The following SEMA3E variants were observed in gnomAD, a reference collection of about 807,000 sequenced individuals.
SEMA3E encodes the protein semaphorin-3E.
A neutral mutation model predicts 93.6 loss-of-function variants in SEMA3E; 49 were observed. That is an observed-to-expected ratio of 0.52 (90% CI 0.42 to 0.66). The LOEUF is 0.66. Ranked by LOEUF, SEMA3E falls within the 30% of genes least tolerant of loss-of-function variation. The pLI is 0.00. For missense variants in SEMA3E, 906 were observed against 964.8 expected (o/e 0.94, Z 0.81); for synonymous variants, 363 against 330.7 (o/e 1.10, Z -1.06).
At chr7:83,534,986 C>T (rs756572423) in intron 1 of SEMA3E, among the ~76,000 whole-genome samples, 10 of 152,126 alleles carry the variant, frequency 6.6e-5, no homozygotes, top group Non-Finnish European at 1.3e-4. Flanking sequence ...TTCTAATCAA[C>T]GGTCTCCCAC....
rs191935238 is a variant in SEMA3E, at chr7:83,377,694, C to G, written c.1875+7600G>C. 6.6e-5 allele frequency among the ~76,000 whole-genome samples: 10 copies of G among 152,084 alleles called. No individual in the cohort carries two copies. In the South Asian group the frequency reaches 1.9e-3, roughly 28 times the overall value. Reference sequence around the variant, plus strand: ...TGAAATTGAAGTGAGGAATTAGGTACTAATCTTCTGAGCAGCTTGAAGAAG... The same window carrying G: ...TGAAATTGAAGTGAGGAATTAGGTAGTAATCTTCTGAGCAGCTTGAAGAAG... On this transcript the variant is annotated intron_variant, in intron 16 of 16. Transcript: ENST00000643230.
At chr7:83,463,827 G>GC (rs1168775890) in intron 4 of SEMA3E, among the ~76,000 whole-genome samples, 1 of 151,870 alleles carries the variant, frequency 6.6e-6, no homozygotes, top group Non-Finnish European at 1.5e-5. Flanking sequence ...GATTATTCAG[G>GC]CCCCCTCCCT....
chr7:83,432,544 T>A (rs556803913), intron 4 of SEMA3E, among the ~76,000 whole-genome samples: 15 of 152,272 alleles, frequency 9.9e-5, no homozygotes, highest in African/African-American at 2.9e-4. Context: ...ATCACCTAAA[T>A]GAAACAATGC....
At chr7:83,540,249 A>T (rs971684778) in intron 1 of SEMA3E, among the ~76,000 whole-genome samples, 1 of 152,178 alleles carries the variant, frequency 6.6e-6, no homozygotes, top group Non-Finnish European at 1.5e-5. Context: ...CTTTCTTTGC[A>T]CACAAGAATA....
chr7:83,474,269 A>T (rs1370924302), intron 2 of SEMA3E, among the ~76,000 whole-genome samples: 3 of 152,114 alleles, frequency 2.0e-5, no homozygotes, highest in Non-Finnish European at 2.9e-5. Context: ...TAATAATGGG[A>T]ATTTATCAAA....
At position 83,600,486 on chromosome 7, in the gene SEMA3E, A is replaced by ATTTTTTTTTTTTTTTTTT. The variant is rs71522671; in HGVS notation, c.115+47924_115+47941dup. On this transcript the variant is annotated intron_variant, in intron 1 of 16. Transcript: ENST00000643230. ...AGGCGCCCGCCACCACGCCCAGCTA[A>ATTTTTTTTTTTTTTTTTT]TTTTTTTTTTTTTTTTTTTTTTTTT... Among the ~76,000 whole-genome samples the ATTTTTTTTTTTTTTTTTT allele has an allele frequency of 1.7e-4, 11 of 63,078 alleles. 1 individual carries two copies. The highest frequency in any genetic ancestry group is 2.7e-4 in the Non-Finnish European group (9 of 33,838). The allele number at this position is 63,078 out of a possible 152,430, so 41.4% of individuals were successfully genotyped here.
rs184720699 is a variant in SEMA3E, at chr7:83,631,460, A to G, written c.115+16968T>C. Among the ~76,000 whole-genome samples the G allele has an allele frequency of 4.3e-3, 660 of 152,358 alleles. 8 individuals are homozygous for G. The highest frequency in any genetic ancestry group is 0.015 in the African/African-American group (632 of 41,580). On this transcript the variant is annotated intron_variant, in intron 1 of 16. Coordinates refer to ENST00000643230, the MANE Select transcript of SEMA3E (RefSeq NM_012431.3). ...AATGTGTATTTTAAATTTAAAAAGA[A>G]AAACAAAACGACTTTATAAGAATTT...
At chr7:83,383,247 GATTTGATAAGAAAGTGATTTCTTATCAA>G in intron 16 of SEMA3E, among the ~76,000 whole-genome samples, 1 of 149,010 alleles carries the variant, frequency 6.7e-6, no homozygotes. Flanking sequence ...TCAAAATAAA[GATTTGATAAGAAAGTGATTTCTTATCAA>G]AATAAAGATT....
chr7:83,646,716 C>T (rs1794083950), intron 1 of SEMA3E, among the ~76,000 whole-genome samples: 2 of 151,816 alleles, frequency 1.3e-5, no homozygotes, highest in Non-Finnish European at 2.9e-5. Flanking sequence ...AAGATGAACT[C>T]GATAATAGTA....
At chr7:83,534,228 C>T (rs1791363255) in intron 1 of SEMA3E, among the ~76,000 whole-genome samples, 1 of 152,128 alleles carries the variant, frequency 6.6e-6, no homozygotes, top group Admixed American at 6.5e-5. Context: ...TTTATTCTAT[C>T]TCATTTTTAA....
chr7:83,621,126 T>G (rs1188246804), intron 1 of SEMA3E, among the ~76,000 whole-genome samples: 1 of 152,206 alleles, frequency 6.6e-6, no homozygotes, highest in Admixed American at 6.6e-5. Context: ...TTTCTTAAGC[T>G]GATAAGCAAC....
chr7:83,507,424 C>CTGTGTGTG (rs4016317), intron 1 of SEMA3E, among the ~76,000 whole-genome samples: 3,954 of 125,886 alleles, frequency 0.031, 90 homozygotes, highest in Middle Eastern at 0.059. Flanking sequence ...AAACAGAACT[C>CTGTGTGTG]TGTGTGTGTG....
At position 83,586,243 on chromosome 7, in the gene SEMA3E, G is replaced by A. The variant is rs1030315841; in HGVS notation, c.115+62185C>T. ...ATTGTATATATTACAGAAAGCAAACGTATCACTGCATGTGTATATGCAAAT... is the reference window on the plus strand; with the variant it reads ...ATTGTATATATTACAGAAAGCAAACATATCACTGCATGTGTATATGCAAAT... On this transcript the variant is annotated intron_variant, in intron 1 of 16. Transcript: ENST00000643230. Among the ~76,000 whole-genome samples the A allele has an allele frequency of 3.3e-5, 5 of 152,216 alleles. No individual in the cohort carries two copies. The East Asian group carries it at 9.7e-4, about 29-fold the overall frequency.
chr7:83,505,701 A>G (rs888350588), intron 1 of SEMA3E, among the ~76,000 whole-genome samples: 9 of 152,092 alleles, frequency 5.9e-5, no homozygotes, highest in Non-Finnish European at 1.0e-4. Flanking sequence ...AAAGATAAGA[A>G]TTTATGCTGA....
chr7:83,622,260 C>A (rs1554345184), intron 1 of SEMA3E, among the ~76,000 whole-genome samples: 1 of 142,764 alleles, frequency 7.0e-6, no homozygotes, highest in Non-Finnish European at 1.6e-5. Context: ...TAGAGAAATG[C>A]AAATAAAAAC....
chr7:83,432,496 AT>A (rs1788908889), intron 4 of SEMA3E, among the ~76,000 whole-genome samples: 1 of 152,214 alleles, frequency 6.6e-6, no homozygotes, highest in Admixed American at 6.5e-5. Context: ...CCTGTGGAAA[AT>A]AATTTAGCAA....
At chr7:83,563,385 T>C (rs1306168965) in intron 1 of SEMA3E, among the ~76,000 whole-genome samples, 2 of 152,222 alleles carry the variant, frequency 1.3e-5, no homozygotes, top group African/African-American at 4.8e-5. Flanking sequence ...TTAGTATTAT[T>C]GCTTTTATTG....
At chr7:83,423,125 T>C (rs1788701665) in intron 4 of SEMA3E, among the ~76,000 whole-genome samples, 1 of 152,176 alleles carries the variant, frequency 6.6e-6, no homozygotes, top group African/African-American at 2.4e-5. Context: ...TGCTAACATT[T>C]TGAAAACAAT....
chr7:83,519,193 T>C (rs1291226594), intron 1 of SEMA3E, among the ~76,000 whole-genome samples: 1 of 149,640 alleles, frequency 6.7e-6, no homozygotes, highest in Non-Finnish European at 1.5e-5. Flanking sequence ...CATTGTTCAA[T>C]TCCCAACTAT....
Sources: gnomAD v4.1 joint callset for allele counts (sites outside exome capture counted in the v4.1 genomes callset) on GRCh38, gnomAD v4.1.1 for gene constraint, MANE v1.5 for transcripts, NCBI Gene and HGNC (gene_info 2026-07-23, HGNC 2026-07-21) for gene names.